ARHGEF12: variants seen among roughly 807,000 people sequenced by gnomAD.
ARHGEF12 encodes the protein Rho guanine nucleotide exchange factor 12.
ARHGEF12 carries 66 observed loss-of-function variants against 211.2 expected under a neutral mutation model. The ratio of observed to expected loss-of-function variants is 0.31; its 90% CI spans 0.26 to 0.38. ARHGEF12 has a LOEUF of 0.38. Among genes scored for constraint, ARHGEF12 ranks in the 10% least tolerant of loss-of-function variants. ARHGEF12 has a pLI of 1.00. For missense variants in ARHGEF12, 1,429 were observed against 1,869.5 expected (o/e 0.76, Z 4.34); for synonymous variants, 592 against 638.4 (o/e 0.93, Z 1.09).
At chr11:120,418,046 A>C (rs955419780) in intron 4 of ARHGEF12, among the ~76,000 whole-genome samples, 2 of 152,210 alleles carry the variant, frequency 1.3e-5, no homozygotes, top group East Asian at 3.8e-4. Flanking sequence ...ACATTTTTAA[A>C]TGTTGAAAAT....
Position 120,446,901 on chromosome 11 carries a change from G to A in ARHGEF12, c.1452-47G>A, listed in dbSNP as rs1946063535. 3 of 1,588,522 alleles carry A rather than the reference G, an allele frequency of 1.9e-6. No homozygotes were observed. In the East Asian group the frequency reaches 6.7e-5, roughly 36 times the overall value. On this transcript the variant is annotated intron_variant, in intron 17 of 40. Transcript: ENST00000397843. The stretch of plus-strand genomic sequence containing the variant: ...TGTGATGAAGCGTCCCCAGAATGAG[G>A]TAGTTTTTCTTTAGGCTACCTCAGG...
intron 27 of ARHGEF12, chr11:120,463,982 T>C (rs1269784727): frequency 6.6e-6 from 1 of 152,234 alleles, no homozygotes; most frequent in African/African-American, 2.4e-5. Context: ...TTTAGGTGTT[T>C]AACCATCAGA....
At chr11:120,484,292 A>G in intron 39 of ARHGEF12, 146 bp from the exon 40 acceptor site, 1 of 636,026 alleles carries the variant, frequency 1.6e-6, no homozygotes, top group Non-Finnish European at 2.7e-6. Flanking sequence ...CCCACTAATG[A>G]AATTTTTAAT....
intron 12 of ARHGEF12, chr11:120,439,711 TCATTCA>T (rs1321195505): frequency 1.3e-5 from 2 of 153,710 alleles, no homozygotes; most frequent in African/African-American, 4.8e-5. Context: ...CCTATTGTCT[TCATTCA>T]CTTTTTCTTT....
intron 1 of ARHGEF12, among the ~76,000 whole-genome samples, chr11:120,361,435 C>T (rs1383736288): frequency 6.6e-6 from 1 of 152,182 alleles, no homozygotes; most frequent in African/African-American, 2.4e-5. Flanking sequence ...GAAAAATTGT[C>T]TTCCACTAAA....
chr11:120,341,127 C>G (rs185232560), intron 1 of ARHGEF12, among the ~76,000 whole-genome samples: 50 of 151,788 alleles, frequency 3.3e-4, no homozygotes, highest in African/African-American at 1.1e-3. Context: ...TGGCGTGATC[C>G]CCTCACTGCA....
chr11:120,465,637 T>C (rs1414259429), intron 28 of ARHGEF12, among the ~76,000 whole-genome samples: 1 of 152,158 alleles, frequency 6.6e-6, no homozygotes, highest in Non-Finnish European at 1.5e-5. Flanking sequence ...CTGCTAATTT[T>C]TTCTATTTTT....
intron 1 of ARHGEF12, among the ~76,000 whole-genome samples, chr11:120,393,389 C>G (rs1256354608): frequency 6.6e-6 from 1 of 152,076 alleles, no homozygotes; most frequent in African/African-American, 2.4e-5. Flanking sequence ...TATAGACTAT[C>G]AGATTAGATG....
At chr11:120,406,352 TA>T (rs1944703527) in intron 2 of ARHGEF12, among the ~76,000 whole-genome samples, 2 of 152,132 alleles carry the variant, frequency 1.3e-5, no homozygotes, top group Non-Finnish European at 2.9e-5. Context: ...TATAAGCATT[TA>T]AAAATTTTGT....
At chr11:120,483,527 G>A (rs554522850) in intron 39 of ARHGEF12, among the ~76,000 whole-genome samples, 9 of 151,778 alleles carry the variant, frequency 5.9e-5, no homozygotes, top group Admixed American at 3.9e-4. Flanking sequence ...GGGTTCAAGC[G>A]ATTCTCCTGC....
chr11:120,380,745 G>A (rs1408151388), intron 1 of ARHGEF12, among the ~76,000 whole-genome samples: 1 of 152,170 alleles, frequency 6.6e-6, no homozygotes, highest in Non-Finnish European at 1.5e-5. Context: ...TAGGAAGGGG[G>A]AGATATCTAC....
intron 1 of ARHGEF12, among the ~76,000 whole-genome samples, chr11:120,342,939 GT>G (rs1288954548): frequency 1.3e-5 from 2 of 152,016 alleles, no homozygotes; most frequent in Admixed American, 1.3e-4. Context: ...TTTTCCAGTG[GT>G]TTTTCAGTTC....
chr11:120,354,299 G>A (rs1342260905), intron 1 of ARHGEF12, among the ~76,000 whole-genome samples: 1 of 152,024 alleles, frequency 6.6e-6, no homozygotes, highest in Admixed American at 6.6e-5. Flanking sequence ...GGACTAACAA[G>A]TCCTCTTTCC....
intron 4 of ARHGEF12, among the ~76,000 whole-genome samples, chr11:120,418,982 CT>C (rs1287290444): frequency 3.3e-5 from 5 of 150,470 alleles, no homozygotes; most frequent in African/African-American, 4.9e-5. Flanking sequence ...CTTTTTCTTT[CT>C]TTTTTTTTGT....
rs778757725 is a variant in ARHGEF12 at position 120,451,711 on chromosome 11, A to G, written c.2043A>G (p.Lys681=). 1.8e-5 allele frequency: 29 copies of G among 1,613,792 alleles called. No individual in the cohort carries two copies. Among genetic ancestry groups the G allele is most frequent in the Non-Finnish European group, 2.5e-5 (29 of 1,179,824 alleles). Residue 681 remains lysine (K), a synonymous_variant, in exon 22 of 41, where the codon AAA becomes AAG. Coordinates refer to ENST00000397843, the MANE Select transcript of ARHGEF12 (RefSeq NM_015313.3). ...SGASFSQEGG[K]ENDTGSKQVG... The stretch of plus-strand genomic sequence containing the variant: ...CCTCTTTTTCCCAGGAAGGAGGGAA[A>G]GAGAATGATACAGGTGAGCTATTAC...
Position 120,446,983 on chromosome 11 carries a change from G to A in ARHGEF12, c.1487G>A (p.Ser496Asn), listed in dbSNP as rs375753318. 100 of 1,614,080 alleles carry A rather than the reference G, an allele frequency of 6.2e-5. No individual in the cohort carries two copies. The highest frequency in any genetic ancestry group is 7.8e-5 in the Non-Finnish European group (92 of 1,180,038). ...KRSMGLTLAESELTKLDAERD... is the reference protein window; with the variant it reads ...KRSMGLTLAENELTKLDAERD... ...AGTATGGGACTGACCTTGGCTGAAA[G>A]CGAGCTGACTAAACTTGATGCAGAG... The change falls in exon 18 of 41, where the codon AGC becomes AAC. Residue 496 changes from serine to asparagine, a missense_variant. Ser to Asn is a conservative substitution (Grantham distance 46). This residue lies in a region of ARHGEF12 where 373 missense variants were observed against 467.5 expected (regional missense o/e 0.80). Transcript: ENST00000397843.
At chr11:120,441,074 T>G (rs1014512283) in intron 13 of ARHGEF12, among the ~76,000 whole-genome samples, 5 of 152,158 alleles carry the variant, frequency 3.3e-5, no homozygotes, top group Non-Finnish European at 7.4e-5. Context: ...ATTGTCGGTT[T>G]CAATTTGCCA....
At chr11:120,430,865 T>C (rs937108583) in intron 10 of ARHGEF12, among the ~76,000 whole-genome samples, 8 of 152,220 alleles carry the variant, frequency 5.3e-5, no homozygotes, top group African/African-American at 1.9e-4. Flanking sequence ...TTTCATTCCA[T>C]TGTTTTTTTC....
At position 120,453,014 on chromosome 11, in the gene ARHGEF12, AAAAC is replaced by A. The variant is rs1946257757; in HGVS notation, c.2056+1294_2056+1297del. Among the ~76,000 whole-genome samples, 4 of 141,494 alleles carry A rather than the reference AAAAC, an allele frequency of 2.8e-5. No individual in the cohort carries two copies. The South Asian group carries it at 6.5e-4, about 23-fold the overall frequency. 92.8% of individuals were successfully genotyped at this position (141,494 alleles called of 152,430 possible). On this transcript the variant is annotated intron_variant, in intron 22 of 40. Transcript: ENST00000397843. ...GACTCCATCTCAAAAAACAAAAACA[AAAAC>A]AAAAAAAAACGACAAGATAATGGTC...
Sources: allele counts gnomAD v4.1 joint callset (sites outside exome capture counted in the v4.1 genomes callset), GRCh38; gene constraint gnomAD v4.1.1; regional missense constraint gnomAD v4.1.1; transcripts MANE v1.5; gene names NCBI Gene and HGNC (gene_info 2026-07-23, HGNC 2026-07-21).